The following RREB1 variants were observed in gnomAD, a reference collection of about 807,000 sequenced individuals.
RREB1 encodes the protein ras-responsive element-binding protein 1.
A neutral mutation model predicts 117.8 loss-of-function variants in RREB1; 27 were observed. That is an observed-to-expected ratio of 0.23 (90% CI 0.17 to 0.32). RREB1 has a LOEUF of 0.32. Ranked by LOEUF, RREB1 falls within the 10% of genes least tolerant of loss-of-function variation. The pLI, the probability that RREB1 is intolerant of heterozygous loss-of-function variation, is 1.00. For synonymous variants in RREB1, 1,298 were observed against 1,026.7 expected (o/e 1.26, Z -5.05); for missense variants, 2,577 against 2,378.2 (o/e 1.08, Z -1.74).
chr6:7,231,490 G>C lies in RREB1; in HGVS notation c.3391G>C (p.Ala1131Pro). Reference sequence around the variant, plus strand: ...CCCAAAAGAGTCTAGTGAGCCTCCCGCTCCAGCCAGCAGCCCAGAGGCTGC... The same window carrying C: ...CCCAAAAGAGTCTAGTGAGCCTCCCCCTCCAGCCAGCAGCCCAGAGGCTGC... ...TSPKESSEPPAPASSPEAASP... is the reference protein window; with the variant it reads ...TSPKESSEPPPPASSPEAASP... Residue 1131 changes from alanine (A) to proline (P), a missense_variant, in exon 10 of 13, where the codon GCT becomes CCT. Ala to Pro is a conservative substitution (Grantham distance 27, BLOSUM62 -1). Coordinates refer to ENST00000379938, the MANE Select transcript of RREB1 (RefSeq NM_001003699.4). The C allele has an allele frequency of 6.2e-7, 1 of 1,610,732 alleles. No individual in the cohort carries two copies. The highest frequency in any genetic ancestry group is 8.5e-7 in the Non-Finnish European group (1 of 1,178,776).
chr6:7,216,000 C>A, intron 8 of RREB1: 1 of 152,338 alleles, frequency 6.6e-6, no homozygotes. Flanking sequence ...ACAGCCACTG[C>A]TGAGGGTGAA....
chr6:7,191,792 T>C (rs1765421029), intron 6 of RREB1, among the ~76,000 whole-genome samples: 1 of 152,212 alleles, frequency 6.6e-6, no homozygotes, highest in South Asian at 2.1e-4. Flanking sequence ...TATATATTGA[T>C]TTTGTTCCCT....
At chr6:7,207,562 A>G (rs796892457) in intron 6 of RREB1, among the ~76,000 whole-genome samples, 3 of 152,338 alleles carry the variant, frequency 2.0e-5, no homozygotes, top group Admixed American at 6.5e-5. Context: ...GAACCCACCC[A>G]GGCTCCCTTT....
At position 7,251,749 on chromosome 6, in the gene RREB1, A is replaced by G. The variant is rs943876750; in HGVS notation, c.*2781A>G. 2 of 152,148 alleles carry G rather than the reference A, an allele frequency of 1.3e-5. No homozygotes were observed. Among genetic ancestry groups the G allele is most frequent in the African/African-American group, 4.8e-5 (2 of 41,458 alleles). 9.4% of individuals were successfully genotyped at this position (152,148 alleles called of 1,614,324 possible). Reference sequence around the variant, plus strand: ...TTTCAGCCCATGCATTAAACAGGAAACAATAATAAATTTGTAGAATTCATA... The same window carrying G: ...TTTCAGCCCATGCATTAAACAGGAAGCAATAATAAATTTGTAGAATTCATA... On this transcript the variant is annotated 3_prime_UTR_variant, in exon 13 of 13. Transcript: ENST00000379938.
intron 8 of RREB1, among the ~76,000 whole-genome samples, chr6:7,220,707 T>C (rs1307685543): frequency 6.6e-6 from 1 of 152,194 alleles, no homozygotes; most frequent in Non-Finnish European, 1.5e-5. Flanking sequence ...AAAACGAAAT[T>C]GTCCTACAGC....
rs755032870 is a variant in RREB1 at position 7,230,431 on chromosome 6, C to T, written c.2332C>T (p.Arg778Cys). The T allele has an allele frequency of 6.3e-7, 1 of 1,591,240 alleles. No individual in the cohort carries two copies. Residue 778 changes from arginine (R) to cysteine (C), a missense_variant, in exon 10 of 13, where the codon CGC becomes TGC. By Grantham distance (180) the Arg-to-Cys change is radical. Coordinates refer to ENST00000379938, the MANE Select transcript of RREB1 (RefSeq NM_001003699.4). ...CATCCACATGCGCACGCACTGCGGC[C>T]GCGGCCTGGGCGGGGGCCACAAGGG... is the stretch of plus-strand genomic sequence containing the variant. ...LRIHMRTHCG[R>C]GLGGGHKGRK...
intron 1 of RREB1, among the ~76,000 whole-genome samples, chr6:7,146,686 G>A (rs796951311): frequency 2.6e-5 from 4 of 151,826 alleles, no homozygotes; most frequent in Non-Finnish European, 4.4e-5. Flanking sequence ...CAAGGGAGCC[G>A]CTCATAGTGC....
intron 1 of RREB1, among the ~76,000 whole-genome samples, chr6:7,157,707 G>A (rs368928062): frequency 2.6e-5 from 4 of 152,124 alleles, no homozygotes; most frequent in African/African-American, 9.6e-5. Flanking sequence ...GAAAGTCAGG[G>A]CTGCAGTGAG....
At chr6:7,169,405 A>G (rs1010198559) in intron 1 of RREB1, among the ~76,000 whole-genome samples, 1 of 152,216 alleles carries the variant, frequency 6.6e-6, no homozygotes, top group African/African-American at 2.4e-5. Context: ...GAGACGATAC[A>G]TGTTTCTGCT....
At chr6:7,112,018 T>C (rs1761172039) in intron 1 of RREB1, among the ~76,000 whole-genome samples, 1 of 152,222 alleles carries the variant, frequency 6.6e-6, no homozygotes, top group South Asian at 2.1e-4. Flanking sequence ...ATAGCTTTCT[T>C]TCCCCCTTTA....
At chr6:7,142,879 TTTCTC>T (rs1399337672) in intron 1 of RREB1, among the ~76,000 whole-genome samples, 4 of 152,198 alleles carry the variant, frequency 2.6e-5, no homozygotes, top group African/African-American at 4.8e-5. Flanking sequence ...GGGGATAACT[TTTCTC>T]TTCTACACAT....
intron 1 of RREB1, among the ~76,000 whole-genome samples, chr6:7,164,572 G>A (rs1763833029): frequency 6.6e-6 from 1 of 152,170 alleles, no homozygotes; most frequent in African/African-American, 2.4e-5. Flanking sequence ...GTTCCCTCAG[G>A]TCATCCCATC....
intron 4 of RREB1, 148 bp downstream of exon 4, chr6:7,182,230 A>T (rs1384601095): frequency 3.0e-6 from 2 of 657,700 alleles, no homozygotes; most frequent in African/African-American, 3.7e-5. Flanking sequence ...TCAAGGGCAA[A>T]ATTTTTATGG....
At chr6:7,165,027 A>G (rs1200198580) in intron 1 of RREB1, among the ~76,000 whole-genome samples, 5 of 152,244 alleles carry the variant, frequency 3.3e-5, no homozygotes, top group Admixed American at 3.3e-4. Context: ...ACAGAAAGCA[A>G]ATGTCTAAGT....
At chr6:7,166,950 C>G (rs1246991617) in intron 1 of RREB1, among the ~76,000 whole-genome samples, 1 of 152,200 alleles carries the variant, frequency 6.6e-6, no homozygotes, top group Non-Finnish European at 1.5e-5. Context: ...GAACTTTACC[C>G]TAGCTTCTTA....
At chr6:7,138,332 G>A (rs567771853) in intron 1 of RREB1, among the ~76,000 whole-genome samples, 4 of 152,186 alleles carry the variant, frequency 2.6e-5, no homozygotes, top group South Asian at 2.1e-4. Context: ...GGAAAACTTC[G>A]GCACACACCC....
chr6:7,160,677 C>CTT (rs35328818), intron 1 of RREB1, among the ~76,000 whole-genome samples: 1 of 147,408 alleles, frequency 6.8e-6, no homozygotes, highest in Non-Finnish European at 1.5e-5. Context: ...ACCTGGATAA[C>CTT]TTTTTTTTTT....
intron 1 of RREB1, among the ~76,000 whole-genome samples, chr6:7,121,692 A>G (rs1761685323): frequency 6.6e-6 from 1 of 152,016 alleles, no homozygotes; most frequent in African/African-American, 2.4e-5. Context: ...TGGTATTTAA[A>G]TACCTCTGGT....
intron 6 of RREB1, among the ~76,000 whole-genome samples, chr6:7,192,205 T>G (rs1438583664): frequency 6.6e-6 from 1 of 151,474 alleles, no homozygotes; most frequent in Admixed American, 6.6e-5. Flanking sequence ...TTCGTTTGTT[T>G]TTTTTGAGAT....
Sources: allele counts gnomAD v4.1 joint callset (sites outside exome capture counted in the v4.1 genomes callset), GRCh38; gene constraint gnomAD v4.1.1; transcripts MANE v1.5; gene names NCBI Gene and HGNC (gene_info 2026-07-23, HGNC 2026-07-21).